GSTCD: variants seen among roughly 807,000 people sequenced by gnomAD.
The protein encoded by GSTCD is glutathione S-transferase C-terminal domain containing, also known as glutathione S-transferase C-terminal domain-containing protein.
Under a neutral mutation model 68.3 loss-of-function variants are expected in GSTCD, and 44 were observed. The ratio of observed to expected loss-of-function variants is 0.64; its 90% confidence interval spans 0.51 to 0.83. GSTCD has a LOEUF of 0.83. Ranked by LOEUF, GSTCD falls within the 40% of genes least tolerant of loss-of-function variation. The pLI, the probability that GSTCD is intolerant of heterozygous loss-of-function variation, is 0.00. For synonymous variants in GSTCD, 273 were observed against 255.2 expected, an observed-to-expected ratio of 1.07 and a Z score of -0.67; for missense variants, 739 against 735.9, an observed-to-expected ratio of 1.00 and a Z score of -0.05.
intron 5 of GSTCD, among the ~76,000 whole-genome samples, chr4:105,735,272 G>A (rs367665244): frequency 6.6e-6 from 1 of 152,182 alleles, no homozygotes; most frequent in Non-Finnish European, 1.5e-5. Flanking sequence ...TGCCCCCAGA[G>A]TTGGAGACTA....
At chr4:105,782,087 C>T (rs1427785069) in intron 5 of GSTCD, among the ~76,000 whole-genome samples, 3 of 152,192 alleles carry the variant, frequency 2.0e-5, no homozygotes, top group African/African-American at 7.2e-5. Context: ...CCTCTGTAAA[C>T]TCTGAATGCC....
At chr4:105,805,329 T>C (rs1002398107) in intron 5 of GSTCD, among the ~76,000 whole-genome samples, 4 of 152,128 alleles carry the variant, frequency 2.6e-5, no homozygotes, top group African/African-American at 9.7e-5. Context: ...TTGACATCCA[T>C]GAATAAGAAA....
At position 105,726,782 on chromosome 4, in the gene GSTCD, C is replaced by T. The variant is rs761430641; in HGVS notation, c.1098C>T (p.Ser366=). The T allele has an allele frequency of 7.3e-5, 118 of 1,613,348 alleles. No homozygotes were observed. The Middle Eastern group carries it at 8.3e-4, about 11-fold the overall frequency. ...LCEVPGVEEQ[S]DPLFIGGPRP... ...AAGTCCCAGGTGTAGAAGAGCAAAG[C>T]GATCCTTTATTTATAGGAGGACCAA... Residue 366 remains serine (S), a synonymous_variant, in exon 4 of 12, where the codon AGC becomes AGT. Coordinates refer to ENST00000515279, the MANE Select transcript of GSTCD (RefSeq NM_001370181.1).
At position 105,761,596 on chromosome 4, in the gene GSTCD, A is replaced by T. The variant is rs536996438; in HGVS notation, c.1240+32097A>T. 4 of 152,278 alleles carry T rather than the reference A, an allele frequency of 2.6e-5. No individual in the cohort carries two copies. The South Asian group carries it at 6.2e-4, about 24-fold the overall frequency. 9.4% of individuals were successfully genotyped at this position (152,278 alleles called of 1,614,324 possible). Reference sequence around the variant, plus strand: ...TTTGACTCTGCCTGTTTTCTTTCACATAAGGACTACAGCATTTTTTACTGA... The same window carrying T: ...TTTGACTCTGCCTGTTTTCTTTCACTTAAGGACTACAGCATTTTTTACTGA... On this transcript the variant is annotated intron_variant, in intron 5 of 11. Coordinates refer to ENST00000515279, the MANE Select transcript of GSTCD (RefSeq NM_001370181.1).
chr4:105,836,207 G>A (rs1252319006), intron 9 of GSTCD, among the ~76,000 whole-genome samples: 2 of 152,152 alleles, frequency 1.3e-5, no homozygotes, highest in South Asian at 4.1e-4. Context: ...CCTCAGCAAA[G>A]AAGAGATACA....
chr4:105,752,385 AAC>A (rs1330297039), intron 5 of GSTCD, among the ~76,000 whole-genome samples: 1 of 151,852 alleles, frequency 6.6e-6, no homozygotes, highest in East Asian at 1.9e-4. Flanking sequence ...GTACTTTACA[AAC>A]AGAGACCATA....
intron 5 of GSTCD, among the ~76,000 whole-genome samples, chr4:105,733,634 T>G (rs1294017909): frequency 6.6e-6 from 1 of 152,230 alleles, no homozygotes; most frequent in African/African-American, 2.4e-5. Flanking sequence ...GTGTTGACTC[T>G]TTATCCAATT....
chr4:105,737,405 G>A (rs559042726), intron 5 of GSTCD, among the ~76,000 whole-genome samples: 19 of 152,194 alleles, frequency 1.2e-4, no homozygotes, highest in African/African-American at 4.3e-4. Flanking sequence ...TGAATAGTTT[G>A]CAAATATTTT....
Position 105,846,652 on chromosome 4 carries a change from T to G in GSTCD, c.*1075T>G, listed in dbSNP as rs1724557882. On this transcript the variant is annotated 3_prime_UTR_variant, in exon 12 of 12. Coordinates refer to ENST00000515279, the MANE Select transcript of GSTCD (RefSeq NM_001370181.1). ...AGTAGATCATCTAGAAGAAAAAGATTAAAGAATTAGTTAAGCTTTTTTTTT... is the reference window on the plus strand; with the variant it reads ...AGTAGATCATCTAGAAGAAAAAGATGAAAGAATTAGTTAAGCTTTTTTTTT... 2.0e-5 allele frequency: 3 copies of G among 150,980 alleles called. No homozygotes were observed. In the Admixed American group the frequency reaches 2.0e-4, roughly 10 times the overall value. 9.4% of individuals were successfully genotyped at this position (150,980 alleles called of 1,614,324 possible). A position where few individuals can be genotyped will look rare whatever the true frequency, so the allele number is the denominator to read the frequency against.
At chr4:105,721,338 G>A (rs1732852834) in intron 3 of GSTCD, among the ~76,000 whole-genome samples, 1 of 152,048 alleles carries the variant, frequency 6.6e-6, no homozygotes, top group Admixed American at 6.6e-5. Context: ...GGTTATGTTG[G>A]CAAGCCTTTT....
intron 5 of GSTCD, among the ~76,000 whole-genome samples, chr4:105,799,457 A>G (rs1736022105): frequency 6.6e-6 from 1 of 152,094 alleles, no homozygotes; most frequent in Non-Finnish European, 1.5e-5. Flanking sequence ...GACTGTTTTC[A>G]TTGAACACTT....
chr4:105,778,864 A>G (rs1735171327), intron 5 of GSTCD, among the ~76,000 whole-genome samples: 1 of 152,090 alleles, frequency 6.6e-6, no homozygotes, highest in Non-Finnish European at 1.5e-5. Context: ...CAATGTTAAC[A>G]TTTTGACATC....
chr4:105,769,233 G>GCACA (rs57039503), intron 5 of GSTCD, among the ~76,000 whole-genome samples: 65 of 146,334 alleles, frequency 4.4e-4, no homozygotes, highest in African/African-American at 1.1e-3. Flanking sequence ...ATACACGCGC[G>GCACA]CACACACACA....
Position 105,717,993 on chromosome 4 carries a change from T to G in GSTCD, c.380T>G (p.Leu127Trp). The change falls in exon 2 of 12, where the codon TTG (leucine) becomes TGG (tryptophan). Residue 127 changes from leucine (L) to tryptophan (W), a missense_variant. By Grantham distance (61) the Leu-to-Trp change is moderately conservative (BLOSUM62 -2). Transcript: ENST00000515279. Reference sequence around the variant, plus strand: ...GCAGACCCCTTAAAGAAGGAACTTTTGGAACTTCTGGGCTTTAAAAAGACT... The same window carrying G: ...GCAGACCCCTTAAAGAAGGAACTTTGGGAACTTCTGGGCTTTAAAAAGACT... The part of the protein sequence containing the change: ...YEADPLKKEL[L>W]ELLGFKKTCL... 2 of 1,612,676 alleles carry G rather than the reference T, an allele frequency of 1.2e-6. No individual in the cohort carries two copies. The highest frequency in any genetic ancestry group is 1.7e-6 in the Non-Finnish European group (2 of 1,179,516).
rs1411439522 is a variant in GSTCD at position 105,719,150 on chromosome 4, C to T, written c.517C>T (p.Pro173Ser). 3.1e-6 allele frequency: 5 copies of T among 1,613,864 alleles called. No individual in the cohort carries two copies. The highest frequency in any genetic ancestry group is 2.7e-5 in the African/African-American group (2 of 75,018). The change falls in exon 3 of 12, where the codon CCT becomes TCT. Residue 173 changes from proline to serine, a missense_variant. Transcript: ENST00000515279. ...RESSDQPPTI[P>S]VEILQLEKKL... is the part of the protein sequence containing the mutation. ...ATCTTCTGACCAGCCCCCAACTATA[C>T]CTGTAGAAATACTACAGCTAGAGAA...
At chr4:105,752,907 C>G (rs890287667) in intron 5 of GSTCD, among the ~76,000 whole-genome samples, 3 of 152,016 alleles carry the variant, frequency 2.0e-5, no homozygotes, top group African/African-American at 7.2e-5. Context: ...GTTCAATTCT[C>G]TCGTCAATTA....
intron 5 of GSTCD, among the ~76,000 whole-genome samples, chr4:105,819,867 CTTT>C (rs1262452131): frequency 6.6e-6 from 1 of 150,748 alleles, no homozygotes; most frequent in Non-Finnish European, 1.5e-5. Flanking sequence ...TTTTAGCCTT[CTTT>C]GTCTCCATAT....
At chr4:105,820,226 CTG>C (rs1723220813) in intron 5 of GSTCD, among the ~76,000 whole-genome samples, 2 of 151,466 alleles carry the variant, frequency 1.3e-5, no homozygotes, top group Non-Finnish European at 3.0e-5. Context: ...TCCTTTACCT[CTG>C]TACTTTCTTT....
intron 5 of GSTCD, among the ~76,000 whole-genome samples, chr4:105,797,088 G>A (rs1735921916): frequency 6.6e-6 from 1 of 151,188 alleles, no homozygotes; most frequent in Non-Finnish European, 1.5e-5. Flanking sequence ...GTATGTGTGT[G>A]TGTGTGCGTC....
Sources: allele counts gnomAD v4.1 joint callset (sites outside exome capture counted in the v4.1 genomes callset), GRCh38; gene constraint gnomAD v4.1.1; transcripts MANE v1.5; gene names NCBI Gene and HGNC (gene_info 2026-07-23, HGNC 2026-07-21).